Variants in PARN observed in about 807,000 individuals in gnomAD.
The protein encoded by PARN is poly(A)-specific ribonuclease.
A neutral mutation model predicts 102.8 loss-of-function variants in PARN; 71 were observed. The observed-to-expected ratio is 0.69, with a 90% CI of 0.57 to 0.84. PARN has a LOEUF of 0.84. Among genes scored for constraint, PARN ranks in the 40% least tolerant of loss-of-function variants. PARN has a pLI of 0.00. For synonymous variants in PARN, 261 were observed against 252.9 expected, an observed-to-expected ratio of 1.03 and a Z score of -0.30; for missense variants, 782 against 760.9, an observed-to-expected ratio of 1.03 and a Z score of -0.33.
intron 21 of PARN, among the ~76,000 whole-genome samples, chr16:14,523,333 A>G (rs1567345171): frequency 6.6e-6 from 1 of 152,182 alleles, no homozygotes. Context: ...GTAAATATAC[A>G]GAAGATTGGG....
intron 21 of PARN, among the ~76,000 whole-genome samples, chr16:14,524,477 G>C (rs12444801): frequency 0.17 from 26,142 of 152,136 alleles, 2,597 homozygotes; most frequent in Middle Eastern, 0.26. Flanking sequence ...AAGATAAGAA[G>C]ACAAAGATCA....
intron 23 of PARN, among the ~76,000 whole-genome samples, chr16:14,446,645 T>C (rs928365344): frequency 6.6e-6 from 1 of 152,044 alleles, no homozygotes; most frequent in Non-Finnish European, 1.5e-5. Flanking sequence ...GAGAGAGAGA[T>C]TACCAAAATA....
chr16:14,549,483 G>A (rs1967163570), intron 21 of PARN, among the ~76,000 whole-genome samples: 1 of 152,144 alleles, frequency 6.6e-6, no homozygotes, highest in Non-Finnish European at 1.5e-5. Context: ...ACATGATTCT[G>A]AAATGTAGCT....
At chr16:14,610,470 C>T (rs1050400289) in intron 7 of PARN, among the ~76,000 whole-genome samples, 174 bp downstream of exon 7, 2 of 91,336 alleles carry the variant, frequency 2.2e-5, no homozygotes, top group African/African-American at 9.6e-5. Flanking sequence ...AAGACTGTCT[C>T]AAAAAAAAAA....
intron 23 of PARN, 128 bp downstream of exon 23, chr16:14,446,760 T>A: frequency 1.6e-6 from 1 of 611,798 alleles, no homozygotes; most frequent in Non-Finnish European, 2.8e-6. Context: ...AAATATCTGC[T>A]TTGGTGGAAG....
intron 13 of PARN, among the ~76,000 whole-genome samples, chr16:14,591,530 A>G (rs1410195468): frequency 6.6e-6 from 1 of 152,188 alleles, no homozygotes; most frequent in Non-Finnish European, 1.5e-5. Context: ...TGGTTTACGT[A>G]TTCTATGGCA....
At chr16:14,626,560 A>C (rs1178420685) in intron 5 of PARN, among the ~76,000 whole-genome samples, 1 of 151,500 alleles carries the variant, frequency 6.6e-6, no homozygotes, top group African/African-American at 2.4e-5. Flanking sequence ...GAATTACTAA[A>C]CCTCATGTTC....
At chr16:14,610,519 C>A in intron 7 of PARN, 125 bp downstream of exon 7, 1 of 540,224 alleles carries the variant, frequency 1.9e-6, no homozygotes, top group Non-Finnish European at 3.3e-6. Flanking sequence ...CAATTATATC[C>A]TGCCATTCAC....
chr16:14,508,443 T>C (rs1965009113), intron 21 of PARN, among the ~76,000 whole-genome samples: 1 of 152,134 alleles, frequency 6.6e-6, no homozygotes, highest in African/African-American at 2.4e-5. Flanking sequence ...CGTGTAGCAT[T>C]CCTGGACTCA....
At chr16:14,514,613 G>T (rs748245194) in intron 21 of PARN, among the ~76,000 whole-genome samples, 7 of 152,142 alleles carry the variant, frequency 4.6e-5, no homozygotes, top group African/African-American at 1.4e-4. Context: ...TCAGAAATAT[G>T]CCATACTTGT....
chr16:14,623,714 G>A (rs753502735), intron 5 of PARN, among the ~76,000 whole-genome samples: 1 of 151,414 alleles, frequency 6.6e-6, no homozygotes. Context: ...GCAGGTGCCT[G>A]TAGTCCCAGA....
chr16:14,564,109 G>A (rs573750167), intron 18 of PARN, among the ~76,000 whole-genome samples: 6 of 152,140 alleles, frequency 3.9e-5, no homozygotes, highest in African/African-American at 1.4e-4. Context: ...TCTCTCCCAC[G>A]TGGCTTTTAA....
chr16:14,473,176 A>G (rs891597897), intron 22 of PARN, among the ~76,000 whole-genome samples: 3 of 152,210 alleles, frequency 2.0e-5, no homozygotes, highest in Non-Finnish European at 4.4e-5. Flanking sequence ...CCAAAAGAAT[A>G]TAACAGGAGC....
intron 13 of PARN, among the ~76,000 whole-genome samples, chr16:14,589,472 G>A (rs1404977966): frequency 6.6e-6 from 1 of 151,776 alleles, no homozygotes; most frequent in Non-Finnish European, 1.5e-5. Flanking sequence ...GGCTGAGGTA[G>A]GAGTATCACT....
intron 18 of PARN, among the ~76,000 whole-genome samples, chr16:14,573,159 G>A (rs1385052894): frequency 6.6e-6 from 1 of 151,982 alleles, no homozygotes; most frequent in African/African-American, 2.4e-5. Context: ...AGGATTATAG[G>A]CATGAGCCAC....
intron 22 of PARN, among the ~76,000 whole-genome samples, chr16:14,455,014 C>A (rs1038787284): frequency 8.5e-5 from 13 of 152,106 alleles, no homozygotes; most frequent in Non-Finnish European, 1.8e-4. Flanking sequence ...CGTTTGTTAA[C>A]AGAAAACATT....
At chr16:14,485,236 T>C (rs1350865212) in intron 21 of PARN, among the ~76,000 whole-genome samples, 1 of 152,214 alleles carries the variant, frequency 6.6e-6, no homozygotes, top group African/African-American at 2.4e-5. Context: ...GCCACAGAAA[T>C]AGGATCCTTT....
chr16:14,550,685 C>T (rs1472904308), intron 21 of PARN, among the ~76,000 whole-genome samples: 2 of 152,170 alleles, frequency 1.3e-5, no homozygotes, highest in African/African-American at 4.8e-5. Flanking sequence ...TAATTACTCA[C>T]CAGTTCTACT....
At chr16:14,494,116 C>T (rs1041037451) in intron 21 of PARN, among the ~76,000 whole-genome samples, 2 of 152,178 alleles carry the variant, frequency 1.3e-5, no homozygotes, top group African/African-American at 2.4e-5. Flanking sequence ...CATACCCACA[C>T]GTTCTGCAGG....
Sources: gnomAD v4.1 joint callset for allele counts (sites outside exome capture counted in the v4.1 genomes callset) on GRCh38, gnomAD v4.1.1 for gene constraint, MANE v1.5 for transcripts, NCBI Gene and HGNC (gene_info 2026-07-23, HGNC 2026-07-21) for gene names.